Variants in CDK5RAP2 observed in about 807,000 individuals in gnomAD.
CDK5RAP2 encodes the protein CDK5 regulatory subunit-associated protein 2.
Under a neutral mutation model 232.9 loss-of-function variants are expected in CDK5RAP2, and 147 were observed. That is an observed-to-expected ratio of 0.63 (90% CI 0.55 to 0.72). The LOEUF (loss-of-function observed/expected upper bound fraction) is 0.72, where lower values mean the gene tolerates loss of function less well. CDK5RAP2 is among the 30% of genes least tolerant of loss of function. CDK5RAP2 has a pLI of 0.00. For missense variants in CDK5RAP2, 2,195 were observed against 2,231.5 expected (o/e 0.98, Z 0.33); for synonymous variants, 833 against 833.7 (o/e 1.00, Z 0.01).
At chr9:120,488,423 A>G (rs2038725004) in intron 13 of CDK5RAP2, among the ~76,000 whole-genome samples, 1 of 152,238 alleles carries the variant, frequency 6.6e-6, no homozygotes, top group South Asian at 2.1e-4. Context: ...AGATATACAT[A>G]GTTTAACAGT....
intron 12 of CDK5RAP2, among the ~76,000 whole-genome samples, chr9:120,509,624 C>G (rs529602343): frequency 6.6e-6 from 1 of 152,166 alleles, no homozygotes; most frequent in African/African-American, 2.4e-5. Context: ...GAAATTGCTA[C>G]GTTTCTAGTG....
intron 12 of CDK5RAP2, chr9:120,517,745 C>A: frequency 4.9e-6 from 1 of 206,148 alleles, no homozygotes; most frequent in Non-Finnish European, 1.0e-5. Flanking sequence ...CTCTTTGGCC[C>A]AGTTATTATA....
At chr9:120,534,434 C>G (rs1429974746) in intron 7 of CDK5RAP2, among the ~76,000 whole-genome samples, 1 of 152,146 alleles carries the variant, frequency 6.6e-6, no homozygotes, top group East Asian at 1.9e-4. Flanking sequence ...CTACTTAGCC[C>G]TTATCATCCT....
chr9:120,558,873 C>G (rs746657247), intron 3 of CDK5RAP2, among the ~76,000 whole-genome samples: 7 of 152,214 alleles, frequency 4.6e-5, no homozygotes, highest in Non-Finnish European at 1.0e-4. Context: ...TGTTTCATCT[C>G]TTTGCATGTT....
intron 12 of CDK5RAP2, among the ~76,000 whole-genome samples, chr9:120,496,950 C>T (rs1389789027): frequency 1.4e-5 from 2 of 140,170 alleles, no homozygotes; most frequent in Non-Finnish European, 3.0e-5. Flanking sequence ...ATGACAATGG[C>T]GGCTTTGTGG....
chr9:120,499,284 G>A (rs1183999330), intron 12 of CDK5RAP2, among the ~76,000 whole-genome samples: 1 of 152,172 alleles, frequency 6.6e-6, no homozygotes, highest in Non-Finnish European at 1.5e-5. Flanking sequence ...CACAAGATTA[G>A]CTCTCAGTTT....
intron 26 of CDK5RAP2, among the ~76,000 whole-genome samples, chr9:120,422,421 T>C (rs2034620917): frequency 6.6e-6 from 1 of 152,162 alleles, no homozygotes; most frequent in South Asian, 2.1e-4. Context: ...CTTGCAGGTA[T>C]CTGGGAGCCA....
intron 10 of CDK5RAP2, among the ~76,000 whole-genome samples, chr9:120,527,126 C>T (rs1421803763): frequency 1.3e-5 from 2 of 152,164 alleles, no homozygotes; most frequent in Non-Finnish European, 2.9e-5. Flanking sequence ...CCTTGCATAG[C>T]TACTAGGACA....
chr9:120,571,892 T>C, intron 2 of CDK5RAP2, 82 bp downstream of exon 2: 1 of 1,115,270 alleles, frequency 9.0e-7, no homozygotes. Context: ...GCCCCAGAGA[T>C]ATGAAAGCTC....
At chr9:120,569,031 C>A (rs1040510840) in intron 2 of CDK5RAP2, among the ~76,000 whole-genome samples, 32 of 152,344 alleles carry the variant, frequency 2.1e-4, no homozygotes, top group Middle Eastern at 3.4e-3. Flanking sequence ...GTATTACACA[C>A]CTACTCGGTG....
chr9:120,547,006 G>A (rs565341662), intron 4 of CDK5RAP2, among the ~76,000 whole-genome samples: 3 of 150,070 alleles, frequency 2.0e-5, no homozygotes, highest in Admixed American at 6.6e-5. Flanking sequence ...GTTTTTTTGA[G>A]ATGAAATCTT....
At chr9:120,450,949 G>A (rs2036449730) in intron 21 of CDK5RAP2, among the ~76,000 whole-genome samples, 1 of 152,198 alleles carries the variant, frequency 6.6e-6, no homozygotes, top group Non-Finnish European at 1.5e-5. Context: ...GTTTGAGGTG[G>A]CAAAAGGAGA....
chr9:120,499,977 AAG>A (rs148182099), intron 12 of CDK5RAP2, among the ~76,000 whole-genome samples: 3,553 of 152,344 alleles, frequency 0.023, 67 homozygotes, highest in Non-Finnish European at 0.035. Context: ...ATTAAACAAA[AAG>A]AAAAGTTTAA....
At position 120,568,209 on chromosome 9, in the gene CDK5RAP2, G is replaced by A; in HGVS notation, c.195+112C>T. ...TGTCCATGAGACATGGCACCCCCCT[G>A]CCTCTGGCATCACCGAACTTAGATC... On this transcript the variant is annotated intron_variant, in intron 3 of 37. Transcript: ENST00000349780. 3 of 836,478 alleles carry A rather than the reference G, an allele frequency of 3.6e-6. No homozygotes were observed. The South Asian group carries it at 4.1e-5, about 11-fold the overall frequency. The allele number at this position is 836,478 out of a possible 1,614,324, so 51.8% of individuals were successfully genotyped here.
intron 27 of CDK5RAP2, 57 bp from the exon 28 acceptor site, chr9:120,415,216 T>C: frequency 6.3e-7 from 1 of 1,591,138 alleles, no homozygotes; most frequent in East Asian, 2.2e-5. Flanking sequence ...AATTGAATAA[T>C]TTATGGATTA....
Position 120,578,811 on chromosome 9 carries a change from C to A in CDK5RAP2, c.59+1109G>T, listed in dbSNP as rs747978253. 5.3e-5 allele frequency among the ~76,000 whole-genome samples: 8 copies of A among 152,266 alleles called. No homozygotes were observed. The East Asian group carries it at 1.5e-3, about 29-fold the overall frequency. Reference sequence around the variant, plus strand: ...CACACTCCTGAGCTCAAGAAATCGGCCCACCTCGGCCTCCCCAAGGGCTAG... The same window carrying A: ...CACACTCCTGAGCTCAAGAAATCGGACCACCTCGGCCTCCCCAAGGGCTAG... On this transcript the variant is annotated intron_variant, in intron 1 of 37. Coordinates refer to ENST00000349780, the MANE Select transcript of CDK5RAP2 (RefSeq NM_018249.6).
At chr9:120,463,861 T>C (rs2037224292) in intron 18 of CDK5RAP2, among the ~76,000 whole-genome samples, 1 of 152,242 alleles carries the variant, frequency 6.6e-6, no homozygotes, top group Non-Finnish European at 1.5e-5. Flanking sequence ...ACATACTTCA[T>C]GCTGCATGCT....
chr9:120,494,598 T>C (rs1358546642), intron 12 of CDK5RAP2, among the ~76,000 whole-genome samples: 1 of 149,256 alleles, frequency 6.7e-6, no homozygotes, highest in Non-Finnish European at 1.5e-5. Context: ...TCCATACTGA[T>C]AGAAACAAAT....
At chr9:120,392,006 T>A (rs916405054) in intron 36 of CDK5RAP2, among the ~76,000 whole-genome samples, 4 of 152,180 alleles carry the variant, frequency 2.6e-5, no homozygotes, top group African/African-American at 9.7e-5. Flanking sequence ...GCCTAGGAGA[T>A]ATGGAGATGG....
Sources: gnomAD v4.1 joint callset for allele counts (sites outside exome capture counted in the v4.1 genomes callset) on GRCh38, gnomAD v4.1.1 for gene constraint, MANE v1.5 for transcripts, NCBI Gene and HGNC (gene_info 2026-07-23, HGNC 2026-07-21) for gene names.